Variants in ZDHHC11B observed in about 807,000 individuals in gnomAD.
ZDHHC11B encodes the protein zDHHC palmitoyltransferase 11B (putative).
In ZDHHC11B, 17 loss-of-function variants were observed where a neutral mutation model predicts 42.3. The observed-to-expected ratio is 0.40, with a 90% CI of 0.27 to 0.60. The LOEUF is 0.60. Among genes scored for constraint, ZDHHC11B ranks in the 20% least tolerant of loss-of-function variants. The pLI, the probability that ZDHHC11B is intolerant of heterozygous loss-of-function variation, is 0.41. For missense variants in ZDHHC11B, 262 were observed against 463.2 expected, an observed-to-expected ratio of 0.57 and a Z score of 3.99; for synonymous variants, 123 against 193.5, an observed-to-expected ratio of 0.64 and a Z score of 3.02.
At chr5:757,011 G>C (rs1490457402) in intron 4 of ZDHHC11B, among the ~76,000 whole-genome samples, 1 of 151,786 alleles carries the variant, frequency 6.6e-6, no homozygotes, top group Non-Finnish European at 1.5e-5. Context: ...CTTGTCCCCT[G>C]GAGCCAGGAG....
At chr5:754,585 C>A (rs867895561) in intron 6 of ZDHHC11B, among the ~76,000 whole-genome samples, 5 of 126,054 alleles carry the variant, frequency 4.0e-5, no homozygotes, top group African/African-American at 1.4e-4. Context: ...CATCTGTGAG[C>A]CTCCACCATG....
intron 1 of ZDHHC11B, among the ~76,000 whole-genome samples, chr5:780,405 G>A (rs867714751): frequency 0.022 from 3,274 of 148,134 alleles, 1 homozygote; most frequent in African/African-American, 0.035. Flanking sequence ...TGTGGGCGGC[G>A]CTGAGCACGA....
chr5:754,200 C>T (rs1347427507), intron 6 of ZDHHC11B, among the ~76,000 whole-genome samples: 1 of 110,454 alleles, frequency 9.1e-6, no homozygotes, highest in African/African-American at 2.9e-5. Context: ...TATGAGCCTC[C>T]ACCATGCTCA....
chr5:730,677 A>T (rs1313024750), intron 11 of ZDHHC11B, among the ~76,000 whole-genome samples: 2 of 151,664 alleles, frequency 1.3e-5, no homozygotes, highest in Non-Finnish European at 2.9e-5. Flanking sequence ...TCCTCCTCCA[A>T]ATTCATAGGT....
chr5:777,846 G>A (rs528304761), intron 1 of ZDHHC11B, among the ~76,000 whole-genome samples: 3 of 151,946 alleles, frequency 2.0e-5, no homozygotes, highest in East Asian at 1.9e-4. Flanking sequence ...GCCCTTGGGC[G>A]GTCCATGGGA....
intron 12 of ZDHHC11B, among the ~76,000 whole-genome samples, chr5:718,230 G>C (rs1269259363): frequency 6.6e-6 from 1 of 151,924 alleles, no homozygotes; most frequent in African/African-American, 2.4e-5. Flanking sequence ...AAATGCAGAG[G>C]AAGTTTACCT....
At chr5:728,798 A>G (rs1253692214) in intron 12 of ZDHHC11B, among the ~76,000 whole-genome samples, 4 of 151,812 alleles carry the variant, frequency 2.6e-5, no homozygotes, top group Non-Finnish European at 5.9e-5. Context: ...GAGGCAGGCA[A>G]ATAGCTTGAG....
intron 12 of ZDHHC11B, among the ~76,000 whole-genome samples, chr5:724,414 C>T (rs1409427544): frequency 6.0e-5 from 7 of 117,402 alleles, no homozygotes; most frequent in African/African-American, 6.4e-5. Flanking sequence ...CTTGCTCTGT[C>T]GCCCAGGCTG....
rs558083257 is a variant in ZDHHC11B, at chr5:744,892, A to C, written c.900+291T>G. Among the ~76,000 whole-genome samples, 26 of 148,856 alleles carry C rather than the reference A, an allele frequency of 1.7e-4. 2 individuals are homozygous for C. Among genetic ancestry groups the C allele is most frequent in the African/African-American group, 6.4e-4 (26 of 40,786 alleles). ...TCTCAAAAAAAAAAAAAGATGCAAA[A>C]AGCACATTTCAACTTTGGAAGATGT... On this transcript the variant is annotated intron_variant, in intron 9 of 13. Transcript: ENST00000508859.
At chr5:712,937 T>A (rs1456153664) in intron 13 of ZDHHC11B, among the ~76,000 whole-genome samples, 1 of 148,806 alleles carries the variant, frequency 6.7e-6, no homozygotes, top group African/African-American at 2.5e-5. Flanking sequence ...TGTATATATA[T>A]ATATATTCTT....
chr5:771,877 A>G (rs1190939305), intron 1 of ZDHHC11B, among the ~76,000 whole-genome samples: 1 of 145,688 alleles, frequency 6.9e-6, no homozygotes, highest in Non-Finnish European at 1.5e-5. Context: ...GTCATCTGAG[A>G]ACCTGCACCC....
At chr5:721,510 G>T (rs1455360602) in intron 12 of ZDHHC11B, among the ~76,000 whole-genome samples, 15 of 151,286 alleles carry the variant, frequency 9.9e-5, no homozygotes, top group African/African-American at 3.7e-4. Context: ...TAATAGAGAA[G>T]CTCCCGGGCC....
In ZDHHC11B at chr5:756,407, C is replaced by T. The variant is rs551969311; in HGVS notation, c.223-263G>A. 1.1e-4 allele frequency among the ~76,000 whole-genome samples: 16 copies of T among 151,922 alleles called. 1 individual carries two copies. The South Asian group carries it at 3.3e-3, about 32-fold the overall frequency. ...GTCCACTCGGCCCTGCACACACAGC[C>T]CTGCTCACCCAGGCCTAGAGAAGAT... is the stretch of plus-strand genomic sequence containing the variant. On this transcript the variant is annotated intron_variant, in intron 4 of 13. Coordinates refer to ENST00000508859, the MANE Select transcript of ZDHHC11B (RefSeq NM_001351303.2).
intron 9 of ZDHHC11B, among the ~76,000 whole-genome samples, chr5:744,394 T>C (rs1287063568): frequency 6.7e-6 from 1 of 149,352 alleles, no homozygotes; most frequent in Non-Finnish European, 1.5e-5. Flanking sequence ...ATTTTTTCTT[T>C]AAATCTTTGC....
At chr5:758,458 C>A (rs1312481637) in intron 4 of ZDHHC11B, among the ~76,000 whole-genome samples, 2 of 151,856 alleles carry the variant, frequency 1.3e-5, no homozygotes, top group Non-Finnish European at 2.9e-5. Flanking sequence ...CTGCTGGGGG[C>A]CACCAGGAGA....
chr5:751,593 G>T (rs1158984497), intron 6 of ZDHHC11B, among the ~76,000 whole-genome samples: 4 of 123,040 alleles, frequency 3.3e-5, no homozygotes, highest in Admixed American at 9.5e-5. Context: ...ATGGGGACGC[G>T]CAGGGCATCT....
chr5:714,155 C>G (rs1741572190), intron 13 of ZDHHC11B, among the ~76,000 whole-genome samples: 1 of 131,672 alleles, frequency 7.6e-6, no homozygotes, highest in East Asian at 2.1e-4. Flanking sequence ...AGTTTCGGAG[C>G]ATTGTCCGAT....
chr5:762,788 G>C (rs1265273061), intron 4 of ZDHHC11B, among the ~76,000 whole-genome samples: 1 of 149,850 alleles, frequency 6.7e-6, no homozygotes, highest in African/African-American at 2.4e-5. Context: ...GTCAGTTGAA[G>C]GAAGTAGTAA....
chr5:737,140 GATACC>G (rs1743618672), intron 10 of ZDHHC11B, among the ~76,000 whole-genome samples: 1 of 149,396 alleles, frequency 6.7e-6, no homozygotes, highest in African/African-American at 2.5e-5. Context: ...TAGCACAACT[GATACC>G]ACAGGAATAC....
Sources: allele counts gnomAD v4.1 joint callset (sites outside exome capture counted in the v4.1 genomes callset), GRCh38; gene constraint gnomAD v4.1.1; transcripts MANE v1.5; gene names NCBI Gene and HGNC (gene_info 2026-07-23, HGNC 2026-07-21).